TMEM47: variants seen among roughly 807,000 people sequenced by gnomAD.
TMEM47 encodes the protein brain cell membrane protein 1.
In TMEM47, 3 loss-of-function variants were observed where a neutral mutation model predicts 12.4. The ratio of observed to expected loss-of-function variants is 0.24; its 90% CI spans 0.11 to 0.63. The LOEUF (loss-of-function observed/expected upper bound fraction) is 0.63. Among genes scored for constraint, TMEM47 ranks in the 20% least tolerant of loss-of-function variants. The probability of loss-of-function intolerance (pLI) is 0.86; values close to 1 mark genes in which losing one functional copy is unlikely to be tolerated. For missense variants in TMEM47, 89 were observed against 143.8 expected, an observed-to-expected ratio of 0.62 and a Z score of 1.95; for synonymous variants, 62 against 63.3, an observed-to-expected ratio of 0.98 and a Z score of 0.10.
At chrX:34,644,730 A>G (rs1053507394) in intron 1 of TMEM47, among the ~76,000 whole-genome samples, 14 of 111,802 alleles carry the variant, frequency 1.3e-4, no homozygotes, top group African/African-American at 4.5e-4. Context: ...AACCTCATAA[A>G]CAGAAGTCCT....
intron 1 of TMEM47, among the ~76,000 whole-genome samples, chrX:34,652,771 T>TA (rs1842195077): frequency 8.9e-6 from 1 of 112,109 alleles, no homozygotes; most frequent in African/African-American, 3.2e-5. Flanking sequence ...CTGGTACTCT[T>TA]AACTGTCCAC....
intron 1 of TMEM47, 45 bp downstream of exon 1, chrX:34,656,759 C>T: frequency 1.7e-6 from 2 of 1,147,122 alleles, no homozygotes; most frequent in African/African-American, 1.8e-5. Flanking sequence ...GGGCGCGGGG[C>T]AGTCCGGGGC....
rs758112166 is a variant in TMEM47, at chrX:34,629,166, C to A, written c.*1147G>T. On this transcript the variant is annotated 3_prime_UTR_variant, in exon 3 of 3. Coordinates refer to ENST00000275954, the MANE Select transcript of TMEM47 (RefSeq NM_031442.4). ...GCCTTCTATTTTAATGAATTTTACA[C>A]AAAATGATCATCCTAATTGCTACTC... The A allele has an allele frequency of 5.4e-5, 6 of 111,828 alleles. No homozygotes were observed. The highest frequency in any genetic ancestry group is 1.9e-4 in the African/African-American group (6 of 30,847). 9.2% of individuals were successfully genotyped at this position (111,828 alleles called of 1,213,427 possible). A position where few individuals can be genotyped will look rare whatever the true frequency, so the allele number is the denominator to read the frequency against.
In TMEM47 at chrX:34,630,430, C is replaced by T. The variant is rs1479970180; in HGVS notation, c.429G>A (p.Leu143=). 8.3e-7 allele frequency: 1 copy of T among 1,210,950 alleles called. No individual in the cohort carries two copies. Among genetic ancestry groups the T allele is most frequent in the Non-Finnish European group, 1.1e-6 (1 of 895,067 alleles). ...YPIKFIETVS[L]KIYHEFNWGY... ...CCCAGTTGAACTCATGGTAAATTTTCAAGCTCACAGTTTCAATGAACTTGA... is the reference window on the plus strand; with the variant it reads ...CCCAGTTGAACTCATGGTAAATTTTTAAGCTCACAGTTTCAATGAACTTGA... The change falls in exon 3 of 3, where the codon TTG becomes TTA. Residue 143 remains leucine, a synonymous_variant. Transcript: ENST00000275954.
intron 1 of TMEM47, among the ~76,000 whole-genome samples, chrX:34,645,453 G>T (rs1341397528): frequency 8.9e-6 from 1 of 112,155 alleles, no homozygotes; most frequent in Admixed American, 9.5e-5. Flanking sequence ...GCTATTTTGT[G>T]TAGAACCATA....
At chrX:34,639,178 T>C (rs1041335437) in intron 2 of TMEM47, 69 bp downstream of exon 2, 6 of 1,102,687 alleles carry the variant, frequency 5.4e-6, no homozygotes, top group South Asian at 2.1e-5. Flanking sequence ...CTCTTCTGCA[T>C]AGGAAAGGAA....
chrX:34,627,836 T>A lies in TMEM47; in HGVS notation c.*2477A>T, dbSNP rs1455558071. ...TGTAGGTGAAAATTTCACTTGTGTT[T>A]ATTCTGATAGACAAAATTGTATTTT... On this transcript the variant is annotated 3_prime_UTR_variant, in exon 3 of 3. Coordinates refer to ENST00000275954, the MANE Select transcript of TMEM47 (RefSeq NM_031442.4). 3.6e-5 allele frequency: 4 copies of A among 112,214 alleles called. No homozygotes were observed. Among genetic ancestry groups the A allele is most frequent in the Non-Finnish European group, 7.5e-5 (4 of 53,144 alleles). The allele number at this position is 112,214 out of a possible 1,213,427, so 9.2% of individuals were successfully genotyped here.
intron 1 of TMEM47, among the ~76,000 whole-genome samples, chrX:34,641,139 T>G (rs1921809991): frequency 9.0e-6 from 1 of 111,199 alleles, no homozygotes; most frequent in Non-Finnish European, 1.9e-5. Flanking sequence ...TCTCTAAATT[T>G]CTTGGGAAAA....
chrX:34,657,165 C>A lies in TMEM47; in HGVS notation c.-136G>T. On this transcript the variant is annotated 5_prime_UTR_variant, in exon 1 of 3. Transcript: ENST00000275954. ...GGACTCGCTCCCTCGGGGCTCTGCGCGCCCCCTGCCGCGCGGCCAAGGTGG... is the reference window on the plus strand; with the variant it reads ...GGACTCGCTCCCTCGGGGCTCTGCGAGCCCCCTGCCGCGCGGCCAAGGTGG... 1 of 952,323 alleles carries A rather than the reference C, an allele frequency of 1.1e-6. No individual in the cohort carries two copies. The highest frequency in any genetic ancestry group is 1.3e-6 in the Non-Finnish European group (1 of 755,992). The allele number at this position is 952,323 out of a possible 1,213,427, so 78.5% of individuals were successfully genotyped here. A position where few individuals can be genotyped will look rare whatever the true frequency, so the allele number is the denominator to read the frequency against.
At chrX:34,639,516 G>T (rs1188839005) in intron 1 of TMEM47, 129 bp from the exon 2 acceptor site, 3 of 671,962 alleles carry the variant, frequency 4.5e-6, no homozygotes, top group South Asian at 3.1e-5. Context: ...ATCCTTTGGG[G>T]TTTGAAATGT....
intron 1 of TMEM47, among the ~76,000 whole-genome samples, chrX:34,651,145 G>A (rs968419645): frequency 3.6e-5 from 4 of 111,820 alleles, no homozygotes; most frequent in African/African-American, 6.5e-5. Flanking sequence ...CCATCAAAAG[G>A]TGGTATTCAA....
chrX:34,637,085 C>T (rs1921730578), intron 2 of TMEM47, among the ~76,000 whole-genome samples: 2 of 111,775 alleles, frequency 1.8e-5, no homozygotes, highest in African/African-American at 6.5e-5. Flanking sequence ...ATTGTTATAT[C>T]AGAGACAGTG....
intron 1 of TMEM47, among the ~76,000 whole-genome samples, chrX:34,651,888 A>G (rs749736363): frequency 8.9e-6 from 1 of 112,531 alleles, no homozygotes; most frequent in Non-Finnish European, 1.9e-5. Context: ...GTACTTCATT[A>G]TGCAATTCAT....
chrX:34,636,805 G>T (rs758169040), intron 2 of TMEM47, among the ~76,000 whole-genome samples: 2 of 111,503 alleles, frequency 1.8e-5, no homozygotes, highest in African/African-American at 6.5e-5. Context: ...GGAGTAACTG[G>T]AGTTACAGGA....
At chrX:34,640,042 T>C (rs1030609475) in intron 1 of TMEM47, among the ~76,000 whole-genome samples, 17 of 112,071 alleles carry the variant, frequency 1.5e-4, no homozygotes, top group African/African-American at 5.5e-4. Flanking sequence ...CTTAACCATA[T>C]AAAAATCTCC....
chrX:34,638,196 C>G, intron 2 of TMEM47, among the ~76,000 whole-genome samples: 1 of 111,025 alleles, frequency 9.0e-6, no homozygotes, highest in Non-Finnish European at 1.9e-5. Flanking sequence ...CCTCCCAGGC[C>G]CAGGTCTGCC....
chrX:34,636,135 G>T (rs1041203936), intron 2 of TMEM47, among the ~76,000 whole-genome samples: 1 of 111,576 alleles, frequency 9.0e-6, no homozygotes, highest in East Asian at 2.8e-4. Context: ...CTGAATAGAA[G>T]AACTCTCTTT....
chrX:34,629,319 A>T lies in TMEM47; in HGVS notation c.*994T>A, dbSNP rs1352737202. ...TAAAGAACATAGAGCAAAAGCTTTA[A>T]GGTACCATACTTTTGTATGGTAAAT... is the stretch of plus-strand genomic sequence containing the variant. On this transcript the variant is annotated 3_prime_UTR_variant, in exon 3 of 3. Transcript: ENST00000275954. 2.1e-4 allele frequency: 23 copies of T among 111,578 alleles called. No homozygotes were observed. The highest frequency in any genetic ancestry group is 7.5e-4 in the African/African-American group (23 of 30,778). The allele number at this position is 111,578 out of a possible 1,213,427, so 9.2% of individuals were successfully genotyped here.
At chrX:34,631,501 T>A (rs1034809615) in intron 2 of TMEM47, among the ~76,000 whole-genome samples, 2 of 111,745 alleles carry the variant, frequency 1.8e-5, no homozygotes, top group African/African-American at 6.5e-5. Flanking sequence ...TATTTTCATA[T>A]CTGTTTTCCA....
Sources: gnomAD v4.1 joint callset for allele counts (sites outside exome capture counted in the v4.1 genomes callset) on GRCh38, gnomAD v4.1.1 for gene constraint, MANE v1.5 for transcripts, NCBI Gene and HGNC (gene_info 2026-07-23, HGNC 2026-07-21) for gene names.